Variants in DLG1 observed in about 807,000 individuals in gnomAD.
DLG1 encodes disks large homolog 1.
Under a neutral mutation model 123.4 loss-of-function variants are expected in DLG1, and 42 were observed. The ratio of observed to expected loss-of-function variants is 0.34; its 90% CI spans 0.27 to 0.44. The LOEUF is 0.44. Ranked by LOEUF, DLG1 falls within the 20% of genes least tolerant of loss-of-function variation. The pLI is 1.00. For missense variants in DLG1, 942 were observed against 1,082.6 expected, an observed-to-expected ratio of 0.87 and a Z score of 1.82; for synonymous variants, 317 against 356.2, an observed-to-expected ratio of 0.89 and a Z score of 1.24.
chr3:197,235,355 T>C (rs1396412911), intron 4 of DLG1, among the ~76,000 whole-genome samples: 7 of 152,214 alleles, frequency 4.6e-5, no homozygotes, highest in Non-Finnish European at 1.0e-4. Context: ...GTGAGTACCC[T>C]TGAGACTTCA....
chr3:197,067,120 G>A (rs190403852), intron 19 of DLG1, among the ~76,000 whole-genome samples: 3 of 151,972 alleles, frequency 2.0e-5, no homozygotes, highest in African/African-American at 7.2e-5. Context: ...ATCTATCTAC[G>A]TATTAGGTAA....
At chr3:197,127,112 T>C (rs1779504645) in intron 11 of DLG1, among the ~76,000 whole-genome samples, 1 of 151,998 alleles carries the variant, frequency 6.6e-6, no homozygotes, top group East Asian at 1.9e-4. Flanking sequence ...TCTTCTCAGC[T>C]TATATATTTA....
intron 4 of DLG1, among the ~76,000 whole-genome samples, chr3:197,231,708 A>AAAAC (rs1554034984): frequency 6.9e-6 from 1 of 144,148 alleles, no homozygotes; most frequent in African/African-American, 2.5e-5. Flanking sequence ...AAAAAAAAAA[A>AAAAC]AACAACAAAA....
chr3:197,160,819 G>C (rs189691167), intron 5 of DLG1, among the ~76,000 whole-genome samples: 5 of 151,988 alleles, frequency 3.3e-5, no homozygotes, highest in Admixed American at 6.6e-5. Flanking sequence ...TGTTTACCCA[G>C]ATTTTAGGCT....
intron 17 of DLG1, 79 bp from the exon 18 acceptor site, chr3:197,076,764 G>A: frequency 2.0e-6 from 2 of 990,448 alleles, no homozygotes; most frequent in Non-Finnish European, 3.2e-6. Context: ...CAGCTCTGTG[G>A]AAGCTGACTC....
intron 17 of DLG1, among the ~76,000 whole-genome samples, chr3:197,078,298 T>C (rs1014436994): frequency 6.0e-5 from 9 of 150,342 alleles, no homozygotes; most frequent in Non-Finnish European, 1.0e-4. Flanking sequence ...ACCTGGGTGA[T>C]AGAGTGAGAC....
intron 5 of DLG1, among the ~76,000 whole-genome samples, chr3:197,164,867 A>G (rs114582118): frequency 0.037 from 5,579 of 151,906 alleles, 164 homozygotes; most frequent in South Asian, 0.051. Context: ...AGTTGCAGTG[A>G]GCAGTGAGAT....
In DLG1 at chr3:197,048,337, G is replaced by A. The variant is rs137921681; in HGVS notation, c.2575+3240C>T. Among the ~76,000 whole-genome samples the A allele has an allele frequency of 1.7e-3, 266 of 152,298 alleles. 3 individuals carry two copies. The highest frequency in any genetic ancestry group is 6.1e-3 in the African/African-American group (253 of 41,558). ...AATACAAAAATTAGCCGGGTGTGGT[G>A]GCATGTGCCTGTAATCCCAGCTATT... On this transcript the variant is annotated intron_variant, in intron 24 of 24. Coordinates refer to ENST00000667157, the MANE Select transcript of DLG1 (RefSeq NM_001366207.1).
intron 4 of DLG1, among the ~76,000 whole-genome samples, chr3:197,257,339 T>C (rs552022208): frequency 6.6e-6 from 1 of 152,234 alleles, no homozygotes; most frequent in Admixed American, 6.5e-5. Context: ...TAAAATTCTA[T>C]CAGTTATGTT....
At chr3:197,101,508 C>T (rs1051964773) in intron 14 of DLG1, among the ~76,000 whole-genome samples, 7 of 151,870 alleles carry the variant, frequency 4.6e-5, no homozygotes, top group East Asian at 2.0e-4. Flanking sequence ...GCCTCAGCCT[C>T]GCGAGCAGCT....
intron 11 of DLG1, among the ~76,000 whole-genome samples, chr3:197,123,199 C>T (rs139977001): frequency 5.0e-4 from 76 of 152,250 alleles, no homozygotes; most frequent in African/African-American, 1.7e-3. Flanking sequence ...AAAGCTCCTA[C>T]AAGTCCCTTA....
At chr3:197,202,224 T>C (rs1172348518) in intron 4 of DLG1, among the ~76,000 whole-genome samples, 1 of 152,190 alleles carries the variant, frequency 6.6e-6, no homozygotes, top group East Asian at 1.9e-4. Flanking sequence ...TAAATGTAAC[T>C]GTATTATATC....
intron 4 of DLG1, among the ~76,000 whole-genome samples, chr3:197,218,092 T>C (rs1447286158): frequency 6.6e-6 from 1 of 152,154 alleles, no homozygotes; most frequent in Non-Finnish European, 1.5e-5. Flanking sequence ...AGAACAGCAA[T>C]GTAAGATAAA....
At position 197,140,274 on chromosome 3, in the gene DLG1, GA is replaced by G; in HGVS notation, c.589-11del. 16 of 1,606,036 alleles carry G rather than the reference GA, an allele frequency of 1.0e-5. No homozygotes were observed. The highest frequency in any genetic ancestry group is 1.4e-5 in the Non-Finnish European group (16 of 1,177,090). On this transcript the variant is annotated splice_polypyrimidine_tract_variant and intron_variant, in intron 7 of 24. Coordinates refer to ENST00000667157, the MANE Select transcript of DLG1 (RefSeq NM_001366207.1). The stretch of plus-strand genomic sequence containing the variant: ...CAAGCCCTGAATTTCCCTGAGGATA[GA>G]AGAAAAAAAATTGAGACTGAATATG...
At chr3:197,165,101 G>C (rs899854212) in intron 5 of DLG1, among the ~76,000 whole-genome samples, 4 of 152,110 alleles carry the variant, frequency 2.6e-5, no homozygotes, top group Non-Finnish European at 4.4e-5. Context: ...TTAATCTCTG[G>C]GGTGGGATCA....
At chr3:197,273,202 GTGTGTGTGTA>G (rs1400740451) in intron 4 of DLG1, among the ~76,000 whole-genome samples, 2 of 150,698 alleles carry the variant, frequency 1.3e-5, no homozygotes, top group Admixed American at 6.6e-5. Context: ...GTGTGTGTGT[GTGTGTGTGTA>G]TGTGTGTGTA....
chr3:197,142,170 A>G (rs1560995850), intron 7 of DLG1, among the ~76,000 whole-genome samples: 1 of 152,212 alleles, frequency 6.6e-6, no homozygotes, highest in African/African-American at 2.4e-5. Context: ...TGTTACTAGT[A>G]TACTACTTAC....
At chr3:197,073,152 C>T (rs1278655125) in intron 18 of DLG1, among the ~76,000 whole-genome samples, 1 of 152,202 alleles carries the variant, frequency 6.6e-6, no homozygotes, top group Non-Finnish European at 1.5e-5. Context: ...ACTACTCTTA[C>T]ATCTTATTCG....
At position 197,043,897 on chromosome 3, in the gene DLG1, T is replaced by C. The variant is rs1375114649; in HGVS notation, c.*726A>G. ...CCTTAGCACCTGAACATGGCCTCAA[T>C]TCACGAAATGTGATGATCATTTACA... On this transcript the variant is annotated 3_prime_UTR_variant, in exon 25 of 25. Transcript: ENST00000667157. 1 of 152,138 alleles carries C rather than the reference T, an allele frequency of 6.6e-6. No individual in the cohort carries two copies. Among genetic ancestry groups the C allele is most frequent in the Non-Finnish European group, 1.5e-5 (1 of 68,010 alleles). The allele number at this position is 152,138 out of a possible 1,614,324, so 9.4% of individuals were successfully genotyped here. A position where few individuals can be genotyped will look rare whatever the true frequency, so the allele number is the denominator to read the frequency against.
Sources: gnomAD v4.1 joint callset for allele counts (sites outside exome capture counted in the v4.1 genomes callset) on GRCh38, gnomAD v4.1.1 for gene constraint, MANE v1.5 for transcripts, NCBI Gene and HGNC (gene_info 2026-07-23, HGNC 2026-07-21) for gene names.